The following CDH23 variants were observed in gnomAD, a reference collection of about 807,000 sequenced individuals.
CDH23 encodes the protein cadherin related 23.
CDH23 carries 189 observed loss-of-function variants against 317.1 expected under a neutral mutation model. That is an observed-to-expected ratio of 0.60 (90% CI 0.53 to 0.67). CDH23 has a LOEUF of 0.67. CDH23 is among the 30% of genes least tolerant of loss of function. The pLI is 0.00. For synonymous variants in CDH23, 1,839 were observed against 1,876.8 expected, an observed-to-expected ratio of 0.98 and a Z score of 0.52; for missense variants, 4,401 against 4,592.4, an observed-to-expected ratio of 0.96 and a Z score of 1.20.
At chr10:71,552,301 A>T (rs953227043) in intron 6 of CDH23, among the ~76,000 whole-genome samples, 6 of 152,104 alleles carry the variant, frequency 3.9e-5, no homozygotes, top group African/African-American at 1.4e-4. Flanking sequence ...AGTGATCCAC[A>T]TGAGAGCTGG....
At chr10:71,471,991 T>C (rs552112742) in intron 3 of CDH23, among the ~76,000 whole-genome samples, 116 of 152,346 alleles carry the variant, frequency 7.6e-4, no homozygotes, top group South Asian at 5.8e-3. Flanking sequence ...GTCCCCCACA[T>C]CTACAGGTGT....
At chr10:71,399,842 C>T (rs1369696709) in intron 1 of CDH23, among the ~76,000 whole-genome samples, 3 of 152,008 alleles carry the variant, frequency 2.0e-5, no homozygotes, top group African/African-American at 4.8e-5. Flanking sequence ...GCAGGGTTTC[C>T]GGAAGCTGGG....
chr10:71,804,328 G>T (rs1841648244), intron 55 of CDH23, among the ~76,000 whole-genome samples: 1 of 152,144 alleles, frequency 6.6e-6, no homozygotes, highest in South Asian at 2.1e-4. Flanking sequence ...AATCTCTCCA[G>T]GTCTTCCACT....
Position 71,545,937 on chromosome 10 carries a change from G to C in CDH23, c.430-20805G>C, listed in dbSNP as rs574401247. On this transcript the variant is annotated intron_variant, in intron 6 of 69. Coordinates refer to ENST00000224721, the MANE Select transcript of CDH23 (RefSeq NM_022124.6). The stretch of plus-strand genomic sequence containing the variant: ...GACGGGCAATGCCAGGAGGACATCT[G>C]GGGTGGTATAGACACCCGAGGGAAG... Among the ~76,000 whole-genome samples, 112 of 152,244 alleles carry C rather than the reference G, an allele frequency of 7.4e-4. 1 individual carries two copies. The highest frequency in any genetic ancestry group is 2.5e-3 in the South Asian group (12 of 4,814).
At chr10:71,616,171 G>A (rs1861180034) in intron 10 of CDH23, among the ~76,000 whole-genome samples, 1 of 152,262 alleles carries the variant, frequency 6.6e-6, no homozygotes, top group African/African-American at 2.4e-5. Flanking sequence ...GACTTGCAGA[G>A]CCATTCCCTG....
chr10:71,798,457 T>C lies in CDH23; in HGVS notation c.6933T>C (p.Pro2311=). 6.2e-7 allele frequency: 1 copy of C among 1,613,968 alleles called. No homozygotes were observed. Among genetic ancestry groups the C allele is most frequent in the Non-Finnish European group, 8.5e-7 (1 of 1,179,842 alleles). The change falls in exon 50 of 70, where the codon CCT becomes CCC. Residue 2311 remains proline (P), a synonymous_variant. Coordinates refer to ENST00000224721, the MANE Select transcript of CDH23 (RefSeq NM_022124.6). ...AGCGGATCCTGGAGGGGGCCACCCC[T>C]GGGACCACACTCATTGCTGTGGCAG... ...YMERILEGAT[P]GTTLIAVAAV...
At chr10:71,623,647 G>A (rs922725492) in intron 11 of CDH23, among the ~76,000 whole-genome samples, 2 of 152,230 alleles carry the variant, frequency 1.3e-5, no homozygotes, top group African/African-American at 4.8e-5. Flanking sequence ...CCGTGACCAT[G>A]CATTCCAGTG....
intron 6 of CDH23, among the ~76,000 whole-genome samples, chr10:71,555,341 T>C (rs1856822012): frequency 6.6e-6 from 1 of 152,208 alleles, no homozygotes. Context: ...TGTTCCCTTT[T>C]TCTTTGCGCA....
intron 2 of CDH23, 74 bp from the exon 3 acceptor site, chr10:71,446,244 C>A: frequency 2.1e-6 from 3 of 1,411,286 alleles, no homozygotes; most frequent in Non-Finnish European, 3.0e-6. Context: ...GCAGCCCTCA[C>A]CCTGTGTCAC....
rs1589131145 is a variant in CDH23 at position 71,490,043 on chromosome 10, C to T, written c.146-20039C>T. 2.0e-5 allele frequency among the ~76,000 whole-genome samples: 3 copies of T among 152,018 alleles called. No homozygotes were observed. The South Asian group carries it at 6.2e-4, about 32-fold the overall frequency. The stretch of plus-strand genomic sequence containing the variant: ...CTTGAGGGGGGTGTTTCCTATTAGA[C>T]CCCTATGCTGGGTGGGGCAAGATTC... On this transcript the variant is annotated intron_variant, in intron 3 of 69. Transcript: ENST00000224721.
At chr10:71,520,159 C>T (rs1482776310) in intron 6 of CDH23, among the ~76,000 whole-genome samples, 2 of 152,152 alleles carry the variant, frequency 1.3e-5, no homozygotes, top group Non-Finnish European at 2.9e-5. Context: ...AGGAAAGTTG[C>T]CTGGAAGTCC....
At chr10:71,686,180 G>A (rs1231660456) in intron 18 of CDH23, among the ~76,000 whole-genome samples, 1 of 152,024 alleles carries the variant, frequency 6.6e-6, no homozygotes, top group Non-Finnish European at 1.5e-5. Context: ...GCCAAGATCC[G>A]GGGAAATATC....
chr10:71,457,009 C>T (rs1416915279), intron 3 of CDH23, among the ~76,000 whole-genome samples: 12 of 152,166 alleles, frequency 7.9e-5, no homozygotes, highest in Admixed American at 5.2e-4. Context: ...TGGTAAATGA[C>T]CACCTCACAC....
intron 31 of CDH23, among the ~76,000 whole-genome samples, chr10:71,731,487 T>C (rs541170233): frequency 6.6e-6 from 1 of 152,280 alleles, no homozygotes; most frequent in South Asian, 2.1e-4. Flanking sequence ...CTCTAGCTCC[T>C]GATTGAATGG....
intron 19 of CDH23, among the ~76,000 whole-genome samples, chr10:71,688,857 G>A (rs375816700): frequency 0.033 from 31 of 926 alleles, no homozygotes; most frequent in East Asian, 0.17. Context: ...GGAGTCAGGG[G>A]TGGTGGAGTC....
chr10:71,408,379 G>A (rs1293093189), intron 1 of CDH23, among the ~76,000 whole-genome samples: 3 of 151,850 alleles, frequency 2.0e-5, no homozygotes, highest in African/African-American at 7.3e-5. Flanking sequence ...AAGAGAGAGA[G>A]AGAGAGAGAA....
At position 71,605,254 on chromosome 10, in the gene CDH23, A is replaced by T. The variant is rs550588703; in HGVS notation, c.833-10250A>T. ...AACTTGTATTGACCTTTTTTTTTTA[A>T]AAAAAAAAAGAAAGACAACAAATGT... On this transcript the variant is annotated intron_variant, in intron 9 of 69. Coordinates refer to ENST00000224721, the MANE Select transcript of CDH23 (RefSeq NM_022124.6). Among the ~76,000 whole-genome samples, 344 of 144,856 alleles carry T rather than the reference A, an allele frequency of 2.4e-3. 3 individuals carry two copies. The highest frequency in any genetic ancestry group is 0.011 in the South Asian group (50 of 4,670).
At chr10:71,525,162 C>T (rs1202247466) in intron 6 of CDH23, among the ~76,000 whole-genome samples, 8 of 152,156 alleles carry the variant, frequency 5.3e-5, no homozygotes, top group Non-Finnish European at 1.2e-4. Flanking sequence ...CCACCTCGGC[C>T]CCCCAAAGTG....
chr10:71,534,412 G>A (rs558116734), intron 6 of CDH23, among the ~76,000 whole-genome samples: 25 of 152,210 alleles, frequency 1.6e-4, no homozygotes, highest in African/African-American at 6.0e-4. Flanking sequence ...ACTTCCCATC[G>A]CTGCGGAATC....
Sources: gnomAD v4.1 joint callset for allele counts (sites outside exome capture counted in the v4.1 genomes callset) on GRCh38, gnomAD v4.1.1 for gene constraint, MANE v1.5 for transcripts, NCBI Gene and HGNC (gene_info 2026-07-23, HGNC 2026-07-21) for gene names.